GRIK1: variants seen among roughly 807,000 people sequenced by gnomAD.
GRIK1 encodes the protein glutamate ionotropic receptor kainate type subunit 1.
In GRIK1, 69 loss-of-function variants were observed where a neutral mutation model predicts 105.7. That is an observed-to-expected ratio of 0.65 (90% CI 0.54 to 0.80). GRIK1 has a LOEUF of 0.80. Among genes scored for constraint, GRIK1 ranks in the 30% least tolerant of loss-of-function variants. GRIK1 has a pLI of 0.00. For synonymous variants in GRIK1, 438 were observed against 431.3 expected, an observed-to-expected ratio of 1.02 and a Z score of -0.19; for missense variants, 1,109 against 1,167.3, an observed-to-expected ratio of 0.95 and a Z score of 0.73.
chr21:29,780,701 T>A (rs2066071327), intron 1 of GRIK1, among the ~76,000 whole-genome samples: 1 of 152,204 alleles, frequency 6.6e-6, no homozygotes. Context: ...AGCAAACTTG[T>A]TTCTGATGAT....
intron 1 of GRIK1, among the ~76,000 whole-genome samples, chr21:29,886,322 A>C (rs2069626739): frequency 6.6e-6 from 1 of 152,056 alleles, no homozygotes; most frequent in Non-Finnish European, 1.5e-5. Context: ...CCTCTTTTTC[A>C]GGCTGACTTT....
At chr21:29,666,937 G>A (rs868039782) in intron 4 of GRIK1, among the ~76,000 whole-genome samples, 3 of 152,216 alleles carry the variant, frequency 2.0e-5, no homozygotes, top group Middle Eastern at 3.4e-3. Context: ...GTGACCTTGG[G>A]CAAGTTACAA....
At chr21:29,861,546 G>T (rs955299070) in intron 1 of GRIK1, 3 of 282,548 alleles carry the variant, frequency 1.1e-5, no homozygotes, top group Non-Finnish European at 2.1e-5. Flanking sequence ...GGACTCAAGC[G>T]ATCTGCCCTC....
At chr21:29,703,197 T>A (rs2063845269) in intron 1 of GRIK1, among the ~76,000 whole-genome samples, 1 of 152,228 alleles carries the variant, frequency 6.6e-6, no homozygotes. Flanking sequence ...ATATGTATTC[T>A]AACAAAGCTC....
At chr21:29,625,344 C>T (rs573019725) in intron 7 of GRIK1, among the ~76,000 whole-genome samples, 1 of 152,264 alleles carries the variant, frequency 6.6e-6, no homozygotes, top group African/African-American at 2.4e-5. Context: ...ATTTGGTGCA[C>T]ACTTAATTGT....
At chr21:29,874,316 C>T (rs1373791765) in intron 1 of GRIK1, among the ~76,000 whole-genome samples, 1 of 152,170 alleles carries the variant, frequency 6.6e-6, no homozygotes, top group African/African-American at 2.4e-5. Context: ...TCCATTGTTT[C>T]TGTTATTAGA....
intron 1 of GRIK1, among the ~76,000 whole-genome samples, chr21:29,905,953 GT>G: frequency 7.0e-6 from 1 of 141,944 alleles, no homozygotes; most frequent in African/African-American, 2.6e-5. Context: ...TTGTTTGTTT[GT>G]TTGTTTGTTT....
intron 1 of GRIK1, among the ~76,000 whole-genome samples, chr21:29,869,830 CTTAA>C (rs1399874680): frequency 6.6e-6 from 1 of 152,164 alleles, no homozygotes; most frequent in Non-Finnish European, 1.5e-5. Flanking sequence ...TAACCACTAA[CTTAA>C]TTACACTGTA....
intron 1 of GRIK1, among the ~76,000 whole-genome samples, chr21:29,754,547 C>A (rs1362090305): frequency 1.3e-5 from 2 of 152,158 alleles, no homozygotes; most frequent in Admixed American, 6.5e-5. Flanking sequence ...CCTGGGATTT[C>A]TGTGAGGAAT....
intron 1 of GRIK1, among the ~76,000 whole-genome samples, chr21:29,808,172 C>G (rs528643700): frequency 2.6e-5 from 4 of 152,004 alleles, no homozygotes; most frequent in Admixed American, 6.6e-5. Flanking sequence ...GTTTTCAAGT[C>G]GGGTCTGAAG....
At chr21:29,782,776 T>C (rs759676987) in intron 1 of GRIK1, among the ~76,000 whole-genome samples, 3 of 152,260 alleles carry the variant, frequency 2.0e-5, no homozygotes, top group Non-Finnish European at 4.4e-5. Context: ...ATCTCCCTTT[T>C]AATAACTTCA....
chr21:29,670,408 T>C (rs956434595), intron 4 of GRIK1, among the ~76,000 whole-genome samples: 1 of 152,242 alleles, frequency 6.6e-6, no homozygotes, highest in Non-Finnish European at 1.5e-5. Flanking sequence ...GCTTTTGTTT[T>C]TGTTTTAATT....
intron 1 of GRIK1, among the ~76,000 whole-genome samples, chr21:29,927,825 C>T (rs1602068956): frequency 6.6e-6 from 1 of 152,024 alleles, no homozygotes; most frequent in South Asian, 2.1e-4. Flanking sequence ...GAGCCAAGAT[C>T]GCACCACTGC....
intron 4 of GRIK1, among the ~76,000 whole-genome samples, chr21:29,658,091 A>G (rs180693771): frequency 1.2e-4 from 18 of 152,110 alleles, no homozygotes; most frequent in Admixed American, 2.0e-4. Context: ...GCTAGGAACC[A>G]TCTCTGGCTT....
At chr21:29,597,559 G>A (rs1423895421) in intron 8 of GRIK1, 1 of 330,186 alleles carries the variant, frequency 3.0e-6, no homozygotes, top group Non-Finnish European at 6.5e-6. Flanking sequence ...TTTTTCTTTT[G>A]TTCCCTCCAG....
intron 5 of GRIK1, among the ~76,000 whole-genome samples, chr21:29,651,640 G>C (rs1230233951): frequency 6.6e-6 from 1 of 152,032 alleles, no homozygotes; most frequent in Non-Finnish European, 1.5e-5. Context: ...TCAGTTATGA[G>C]GTAGAGTATC....
intron 1 of GRIK1, among the ~76,000 whole-genome samples, chr21:29,819,609 T>A (rs2067244359): frequency 6.6e-6 from 1 of 152,056 alleles, no homozygotes; most frequent in African/African-American, 2.4e-5. Context: ...TGGAACAATG[T>A]ATAGGTTGTC....
intron 1 of GRIK1, among the ~76,000 whole-genome samples, chr21:29,884,965 G>C (rs756762192): frequency 1.3e-5 from 2 of 151,974 alleles, no homozygotes; most frequent in Non-Finnish European, 2.9e-5. Context: ...TTCCATAAAA[G>C]ATTCTAATCC....
intron 1 of GRIK1, among the ~76,000 whole-genome samples, chr21:29,740,279 A>T (rs2064894489): frequency 6.6e-6 from 1 of 150,536 alleles, no homozygotes; most frequent in Non-Finnish European, 1.5e-5. Flanking sequence ...GTGCAGTGGC[A>T]CAATCTCGGC....
Sources: gnomAD v4.1 joint callset for allele counts (sites outside exome capture counted in the v4.1 genomes callset) on GRCh38, gnomAD v4.1.1 for gene constraint, MANE v1.5 for transcripts, NCBI Gene and HGNC (gene_info 2026-07-23, HGNC 2026-07-21) for gene names.